ERC2: variants seen among roughly 807,000 people sequenced by gnomAD.
The protein encoded by ERC2 is ELKS/RAB6-interacting/CAST family member 2.
ERC2 carries 42 observed loss-of-function variants against 114.8 expected under a neutral mutation model. The ratio of observed to expected loss-of-function variants is 0.37; its 90% CI spans 0.29 to 0.47. The LOEUF (loss-of-function observed/expected upper bound fraction) is 0.47. ERC2 is among the 20% of genes least tolerant of loss of function. The pLI is 0.99. For synonymous variants in ERC2, 454 were observed against 425.5 expected (o/e 1.07, Z -0.82); for missense variants, 939 against 1,150.7 (o/e 0.82, Z 2.66).
At chr3:55,855,911 T>C (rs2061764981) in intron 14 of ERC2, among the ~76,000 whole-genome samples, 1 of 152,224 alleles carries the variant, frequency 6.6e-6, no homozygotes, top group Non-Finnish European at 1.5e-5. Context: ...GCCTCTTAAA[T>C]GTAACTGGTG....
At chr3:55,939,437 T>C (rs2066643663) in intron 13 of ERC2, among the ~76,000 whole-genome samples, 1 of 152,260 alleles carries the variant, frequency 6.6e-6, no homozygotes, top group Non-Finnish European at 1.5e-5. Flanking sequence ...AAATTCTGGA[T>C]TGAAGAATAT....
chr3:55,879,382 A>G (rs573188140), intron 14 of ERC2, among the ~76,000 whole-genome samples: 2 of 152,270 alleles, frequency 1.3e-5, no homozygotes, highest in South Asian at 4.1e-4. Flanking sequence ...TAGCACAGTC[A>G]TCTGAGGCAG....
chr3:56,167,245 G>A (rs765241244), intron 4 of ERC2, among the ~76,000 whole-genome samples: 13 of 151,992 alleles, frequency 8.6e-5, no homozygotes, highest in Non-Finnish European at 1.3e-4. Flanking sequence ...CATTCCATTA[G>A]CTCCTTAAAG....
intron 7 of ERC2, among the ~76,000 whole-genome samples, chr3:56,041,227 T>C (rs1416449979): frequency 1.3e-5 from 2 of 152,156 alleles, no homozygotes; most frequent in African/African-American, 4.8e-5. Flanking sequence ...ACATTCTATG[T>C]ATATCTTTTA....
At chr3:55,839,510 A>G (rs2061037893) in intron 14 of ERC2, among the ~76,000 whole-genome samples, 1 of 151,954 alleles carries the variant, frequency 6.6e-6, no homozygotes. Context: ...TGGGGTTAAT[A>G]ACAAAAATTA....
intron 3 of ERC2, among the ~76,000 whole-genome samples, chr3:56,204,978 C>T (rs2048634617): frequency 6.6e-6 from 1 of 151,034 alleles, no homozygotes; most frequent in African/African-American, 2.4e-5. Context: ...CATTATAAAG[C>T]CACATGCTGG....
At chr3:55,908,689 G>T (rs540836170) in intron 13 of ERC2, among the ~76,000 whole-genome samples, 2 of 152,256 alleles carry the variant, frequency 1.3e-5, no homozygotes, top group South Asian at 4.1e-4. Context: ...TCATGAATTA[G>T]ATGAGCTTTA....
chr3:55,699,834 T>C (rs1434697317), intron 15 of ERC2, among the ~76,000 whole-genome samples: 1 of 152,122 alleles, frequency 6.6e-6, no homozygotes, highest in East Asian at 1.9e-4. Flanking sequence ...CAAGGTGAGC[T>C]TGCAATTGCA....
intron 14 of ERC2, among the ~76,000 whole-genome samples, chr3:55,833,195 A>T (rs1451055831): frequency 6.6e-6 from 1 of 150,380 alleles, no homozygotes; most frequent in Non-Finnish European, 1.5e-5. Context: ...GCAGGATATT[A>T]TCCAGGAGAA....
At chr3:56,058,071 C>G (rs560052914) in intron 7 of ERC2, among the ~76,000 whole-genome samples, 1 of 152,262 alleles carries the variant, frequency 6.6e-6, no homozygotes, top group South Asian at 2.1e-4. Flanking sequence ...AACAAATCTT[C>G]AATTCATATT....
chr3:55,870,079 A>AT (rs112152631), intron 14 of ERC2, among the ~76,000 whole-genome samples: 2,552 of 146,280 alleles, frequency 0.017, 63 homozygotes, highest in African/African-American at 0.055. Flanking sequence ...AAAGAGTACA[A>AT]TTTTTTTTTT....
intron 13 of ERC2, among the ~76,000 whole-genome samples, chr3:55,893,233 C>A (rs961469801): frequency 6.6e-6 from 1 of 152,134 alleles, no homozygotes; most frequent in African/African-American, 2.4e-5. Flanking sequence ...AAATGGACTA[C>A]GACACTTAGG....
chr3:56,208,503 C>T (rs1301115728), intron 3 of ERC2, among the ~76,000 whole-genome samples: 1 of 152,130 alleles, frequency 6.6e-6, no homozygotes, highest in African/African-American at 2.4e-5. Context: ...CTGCTTTGCC[C>T]TATCTTATTA....
chr3:55,920,749 GAGGA>G (rs1464634226), intron 13 of ERC2, among the ~76,000 whole-genome samples: 1 of 152,116 alleles, frequency 6.6e-6, no homozygotes, highest in Non-Finnish European at 1.5e-5. Context: ...CAAAACTGAA[GAGGA>G]AGTGGGGAGG....
intron 4 of ERC2, 143 bp downstream of exon 4, chr3:56,173,303 G>A (rs956237632): frequency 1.3e-6 from 1 of 742,186 alleles, no homozygotes; most frequent in Admixed American, 2.5e-5. Flanking sequence ...TGCCCAGGAA[G>A]GTAAAAAAAA....
At chr3:56,328,890 G>A (rs11712633) in intron 2 of ERC2, among the ~76,000 whole-genome samples, 2,945 of 152,236 alleles carry the variant, frequency 0.019, 40 homozygotes, top group Non-Finnish European at 0.029. Flanking sequence ...GCCTAAATTT[G>A]GTGTTTGGAA....
intron 4 of ERC2, among the ~76,000 whole-genome samples, chr3:56,166,842 T>C (rs2082347162): frequency 6.6e-6 from 1 of 152,078 alleles, no homozygotes. Flanking sequence ...AAAAACAGCA[T>C]TTAGTTTTGG....
Position 55,509,125 on chromosome 3 carries a change from G to T in ERC2, c.*2191C>A, listed in dbSNP as rs868520229. Reference sequence around the variant, plus strand: ...AAATTATACGACCTCATAAAGGTAAGATCAGTAATATTTTAACCAATGAAA... The same window carrying T: ...AAATTATACGACCTCATAAAGGTAATATCAGTAATATTTTAACCAATGAAA... On this transcript the variant is annotated 3_prime_UTR_variant, in exon 18 of 18. Coordinates refer to ENST00000288221, the MANE Select transcript of ERC2 (RefSeq NM_015576.3). The T allele has an allele frequency of 2.6e-5, 4 of 152,634 alleles. No individual in the cohort carries two copies. The highest frequency in any genetic ancestry group is 9.6e-5 in the African/African-American group (4 of 41,452). 9.5% of individuals were successfully genotyped at this position (152,634 alleles called of 1,614,324 possible).
chr3:55,781,951 G>A (rs569127182), intron 14 of ERC2, among the ~76,000 whole-genome samples: 1 of 152,000 alleles, frequency 6.6e-6, no homozygotes, highest in South Asian at 2.1e-4. Context: ...CAGCCTGTGA[G>A]AACCTTCCTT....
Sources: gnomAD v4.1 joint callset for allele counts (sites outside exome capture counted in the v4.1 genomes callset) on GRCh38, gnomAD v4.1.1 for gene constraint, MANE v1.5 for transcripts, NCBI Gene and HGNC (gene_info 2026-07-23, HGNC 2026-07-21) for gene names.